FER1L6: variants seen among roughly 807,000 people sequenced by gnomAD.
FER1L6 encodes fer-1-like protein 6.
Under a neutral mutation model 219.2 loss-of-function variants are expected in FER1L6, and 177 were observed. The ratio of observed to expected loss-of-function variants is 0.81; its 90% CI spans 0.71 to 0.91. The LOEUF is 0.91. Ranked by LOEUF, FER1L6 falls within the 40% of genes least tolerant of loss-of-function variation. The probability of loss-of-function intolerance (pLI) is 0.00; values close to 1 mark genes in which losing one functional copy is unlikely to be tolerated. For synonymous variants in FER1L6, 768 were observed against 824.3 expected (o/e 0.93, Z 1.17); for missense variants, 2,153 against 2,259.9 (o/e 0.95, Z 0.96).
At chr8:124,034,562 A>G (rs984455503) in intron 18 of FER1L6, among the ~76,000 whole-genome samples, 1 of 152,220 alleles carries the variant, frequency 6.6e-6, no homozygotes, top group Non-Finnish European at 1.5e-5. Context: ...AAATTAAAGC[A>G]AACATAAATA....
intron 1 of FER1L6, among the ~76,000 whole-genome samples, chr8:123,885,552 T>C (rs1419901128): frequency 6.6e-6 from 1 of 152,242 alleles, no homozygotes; most frequent in Non-Finnish European, 1.5e-5. Context: ...ATTCTTCATA[T>C]ATATTAACTC....
intron 30 of FER1L6, 149 bp from the exon 31 acceptor site, chr8:124,071,357 G>T (rs1229952418): frequency 3.5e-6 from 3 of 862,996 alleles, no homozygotes; most frequent in Admixed American, 2.4e-5. Flanking sequence ...TACATAAATT[G>T]CCCAAGGACA....
chr8:123,880,248 C>T (rs1008904283), intron 1 of FER1L6, among the ~76,000 whole-genome samples: 14 of 152,062 alleles, frequency 9.2e-5, no homozygotes, highest in African/African-American at 2.7e-4. Flanking sequence ...ACCAGCTGAT[C>T]GACCAACAGA....
chr8:124,090,207 A>C (rs1411627916), intron 33 of FER1L6, among the ~76,000 whole-genome samples: 1 of 152,204 alleles, frequency 6.6e-6, no homozygotes, highest in Admixed American at 6.5e-5. Flanking sequence ...ATGATTTCAT[A>C]CAGTCTCTCT....
chr8:124,076,150 C>G, intron 31 of FER1L6, 48 bp from the exon 32 acceptor site: 2 of 1,608,500 alleles, frequency 1.2e-6, no homozygotes, highest in Non-Finnish European at 1.7e-6. Context: ...AGTGTACAAC[C>G]AATGTTGAGA....
chr8:123,974,949 A>G (rs1000116970), intron 7 of FER1L6, among the ~76,000 whole-genome samples: 51 of 152,192 alleles, frequency 3.4e-4, no homozygotes, highest in Non-Finnish European at 6.8e-4. Context: ...TTGGGGGAAA[A>G]GATGGAGAAC....
intron 20 of FER1L6, among the ~76,000 whole-genome samples, chr8:124,042,070 C>A (rs1018473781): frequency 6.6e-6 from 1 of 152,070 alleles, no homozygotes; most frequent in South Asian, 2.1e-4. Context: ...TAGGATGGAC[C>A]CCTGGAGCCC....
intron 31 of FER1L6, among the ~76,000 whole-genome samples, chr8:124,075,391 T>G (rs933199652): frequency 6.6e-6 from 1 of 152,200 alleles, no homozygotes; most frequent in African/African-American, 2.4e-5. Context: ...AATATCACTG[T>G]GTTCTACCTC....
At position 123,901,071 on chromosome 8, in the gene FER1L6, G is replaced by T. The variant is rs182989346; in HGVS notation, c.-8+48886G>T. ...TCTATCTTGTGGAATAGTGTCAAAA[G>T]GGTTAGAACCAATTCTTCTTTGAAT... is the stretch of plus-strand genomic sequence containing the variant. On this transcript the variant is annotated intron_variant, in intron 1 of 40. Coordinates refer to ENST00000522917, the MANE Select transcript of FER1L6 (RefSeq NM_001039112.2). Among the ~76,000 whole-genome samples, 5 of 152,302 alleles carry T rather than the reference G, an allele frequency of 3.3e-5. No homozygotes were observed. In the East Asian group the frequency reaches 9.7e-4, roughly 29 times the overall value.
chr8:123,879,988 A>G (rs1198349730), intron 1 of FER1L6, among the ~76,000 whole-genome samples: 1 of 152,174 alleles, frequency 6.6e-6, no homozygotes, highest in Non-Finnish European at 1.5e-5. Context: ...TCCAAGATTC[A>G]GACTCTACTG....
rs199519135 is a variant in FER1L6 at position 124,045,862 on chromosome 8, G to A, written c.2685G>A (p.Pro895=). 1.3e-5 allele frequency: 21 copies of A among 1,613,978 alleles called. No individual in the cohort carries two copies. The highest frequency in any genetic ancestry group is 1.7e-4 in the Middle Eastern group (1 of 6,060). ...ATGTGAAGGAGCTGGCAGAGTCCCC[G>A]CCCTTAGTGGTGGTGGAGCTGTATG... ...HGDVKELAES[P]PLVVVELYDS... Residue 895 remains proline, a synonymous_variant, in exon 21 of 41, where the codon CCG becomes CCA. Coordinates refer to ENST00000522917, the MANE Select transcript of FER1L6 (RefSeq NM_001039112.2).
At chr8:123,912,286 A>AGAAG (rs1554614588) in intron 1 of FER1L6, among the ~76,000 whole-genome samples, 6 of 150,500 alleles carry the variant, frequency 4.0e-5, no homozygotes, top group Non-Finnish European at 7.4e-5. Flanking sequence ...GTTTAAAAAA[A>AGAAG]AAGAAGAAGA....
chr8:124,067,559 G>T (rs556835746), intron 27 of FER1L6, among the ~76,000 whole-genome samples: 8 of 152,140 alleles, frequency 5.3e-5, no homozygotes, highest in Non-Finnish European at 1.2e-4. Flanking sequence ...TTGGAAGTGC[G>T]GATACCTCTT....
intron 13 of FER1L6, among the ~76,000 whole-genome samples, chr8:124,010,077 C>T (rs75719338): frequency 0.03 from 4,552 of 150,008 alleles, 173 homozygotes; most frequent in East Asian, 0.11. Flanking sequence ...TGTTGTAATT[C>T]GAGGGTCTGG....
At chr8:123,986,321 C>T (rs540452375) in intron 12 of FER1L6, 145 bp downstream of exon 12, 2 of 578,130 alleles carry the variant, frequency 3.5e-6, no homozygotes, top group African/African-American at 1.9e-5. Context: ...TCCTTGTCTA[C>T]TCTATTGTCA....
intron 20 of FER1L6, among the ~76,000 whole-genome samples, chr8:124,043,507 G>C (rs772770335): frequency 6.6e-6 from 1 of 152,136 alleles, no homozygotes; most frequent in Admixed American, 6.5e-5. Context: ...GAAATGAGGC[G>C]AATTATAGGC....
chr8:124,006,212 A>G (rs1324468953), intron 13 of FER1L6, among the ~76,000 whole-genome samples: 1 of 152,200 alleles, frequency 6.6e-6, no homozygotes, highest in Non-Finnish European at 1.5e-5. Flanking sequence ...ACCTTGATGG[A>G]TTAGCCATTG....
intron 19 of FER1L6, among the ~76,000 whole-genome samples, chr8:124,038,272 C>T (rs150283374): frequency 3.3e-5 from 5 of 152,344 alleles, no homozygotes; most frequent in Admixed American, 2.0e-4. Flanking sequence ...GCACCACCTC[C>T]GCTATGGTCT....
chr8:123,927,210 C>G (rs766761035), intron 1 of FER1L6, among the ~76,000 whole-genome samples: 1 of 151,074 alleles, frequency 6.6e-6, no homozygotes, highest in Non-Finnish European at 1.5e-5. Context: ...AGTTTTATGG[C>G]CTAGAAGTGA....
Sources: gnomAD v4.1 joint callset for allele counts (sites outside exome capture counted in the v4.1 genomes callset) on GRCh38, gnomAD v4.1.1 for gene constraint, MANE v1.5 for transcripts, NCBI Gene and HGNC (gene_info 2026-07-23, HGNC 2026-07-21) for gene names.